Variants in PHF10 observed in about 807,000 individuals in gnomAD.
PHF10 encodes PHD finger protein 10, also known as BRG1-associated factor 45a.
Under a neutral mutation model 68.5 loss-of-function variants are expected in PHF10, and 51 were observed. That is an observed-to-expected ratio of 0.74 (90% CI 0.59 to 0.94). The LOEUF (loss-of-function observed/expected upper bound fraction) is 0.94. Ranked by LOEUF, PHF10 falls within the 40% of genes least tolerant of loss-of-function variation. The pLI, the probability that PHF10 is intolerant of heterozygous loss-of-function variation, is 0.00. For missense variants in PHF10, 460 were observed against 602.6 expected (o/e 0.76, Z 2.48); for synonymous variants, 204 against 203.5 (o/e 1.00, Z -0.02).
chr6:169,716,697 T>C (rs1252047156), intron 4 of PHF10, among the ~76,000 whole-genome samples: 3 of 152,108 alleles, frequency 2.0e-5, no homozygotes, highest in African/African-American at 7.2e-5. Context: ...GAACTAAAAA[T>C]TGAAGAAAAT....
At chr6:169,706,337 T>G (rs978446064) in intron 9 of PHF10, among the ~76,000 whole-genome samples, 1 of 152,016 alleles carries the variant, frequency 6.6e-6, no homozygotes, top group Non-Finnish European at 1.5e-5. Context: ...GCATGTCTAA[T>G]AAAAGAATCT....
At chr6:169,716,129 T>C in intron 4 of PHF10, 41 bp from the exon 5 acceptor site, 1 of 1,409,892 alleles carries the variant, frequency 7.1e-7, no homozygotes, top group Non-Finnish European at 9.6e-7. Context: ...GAAGCTCTTT[T>C]AAGGATAAGT....
rs555621039 is a variant in PHF10, at chr6:169,713,993, G to A, written c.803+740C>T. Among the ~76,000 whole-genome samples, 22 of 152,134 alleles carry A rather than the reference G, an allele frequency of 1.4e-4. 1 individual carries two copies. The highest frequency in any genetic ancestry group is 5.3e-4 in the African/African-American group (22 of 41,490). On this transcript the variant is annotated intron_variant, in intron 7 of 11. Transcript: ENST00000339209. ...AATAATTAGCTGGGCGTGGTGGCAT[G>A]TGCCTGCAGTCCCGCTATTTGGGAG...
chr6:169,723,390 T>C (rs193255179), intron 1 of PHF10, among the ~76,000 whole-genome samples: 5 of 152,350 alleles, frequency 3.3e-5, no homozygotes, highest in Admixed American at 2.0e-4. Context: ...GTTATTACAG[T>C]AAGTTCACTG....
Position 169,723,954 on chromosome 6 carries a change from C to G in PHF10, c.-23G>C. 10 of 829,218 alleles carry G rather than the reference C, an allele frequency of 1.2e-5. No individual in the cohort carries two copies. Among genetic ancestry groups the G allele is most frequent in the Non-Finnish European group, 1.5e-5 (10 of 688,784 alleles). 51.4% of individuals were successfully genotyped at this position (829,218 alleles called of 1,614,324 possible). A position where few individuals can be genotyped will look rare whatever the true frequency, so the allele number is the denominator to read the frequency against. ...CATCAGCCCGAGCGCCCCGCGCCGC[C>G]GCCGCCGCCGTCGCCTCCGCCTTGT... is the stretch of plus-strand genomic sequence containing the variant. On this transcript the variant is annotated 5_prime_UTR_variant, in exon 1 of 12. Transcript: ENST00000339209.
chr6:169,705,728 GA>G lies in PHF10; in HGVS notation c.1114-5del. The G allele has an allele frequency of 7.1e-7, 1 of 1,403,854 alleles. No individual in the cohort carries two copies. Among genetic ancestry groups the G allele is most frequent in the Non-Finnish European group, 1.0e-6 (1 of 988,410 alleles). The allele number at this position is 1,403,854 out of a possible 1,614,324, so 87.0% of individuals were successfully genotyped here. On this transcript the variant is annotated splice_region_variant and splice_polypyrimidine_tract_variant and intron_variant, in intron 9 of 11. Transcript: ENST00000339209. Reference sequence around the variant, plus strand: ...TAGCATTTGGAATGACCTTTGGCTGGAAGGGTAGAAGAGGGCTATAAATTCA... The same window carrying G: ...TAGCATTTGGAATGACCTTTGGCTGGAGGGTAGAAGAGGGCTATAAATTCA...
chr6:169,711,828 C>T (rs1788931474), intron 8 of PHF10, among the ~76,000 whole-genome samples: 1 of 152,018 alleles, frequency 6.6e-6, no homozygotes, highest in South Asian at 2.1e-4. Context: ...AATTCAAAGC[C>T]CTATGTCATC....
At chr6:169,708,018 A>G (rs1788844759) in intron 9 of PHF10, 1 of 152,214 alleles carries the variant, frequency 6.6e-6, no homozygotes, top group Non-Finnish European at 1.5e-5. Flanking sequence ...GGGAGGGGTT[A>G]ATGTGCAGCA....
intron 7 of PHF10, 110 bp downstream of exon 7, chr6:169,714,623 T>C: frequency 2.9e-6 from 2 of 696,476 alleles, no homozygotes; most frequent in Non-Finnish European, 5.2e-6. Flanking sequence ...TCCTATACGA[T>C]ATCTTACGGT....
intron 1 of PHF10, among the ~76,000 whole-genome samples, chr6:169,721,393 A>G (rs916624983): frequency 7.2e-5 from 11 of 152,168 alleles, no homozygotes; most frequent in Non-Finnish European, 1.3e-4. Context: ...TCACTCTAGG[A>G]TTAAAGCAAA....
At chr6:169,718,382 C>A (rs1294609154) in intron 3 of PHF10, among the ~76,000 whole-genome samples, 2 of 152,116 alleles carry the variant, frequency 1.3e-5, no homozygotes, top group Non-Finnish European at 2.9e-5. Flanking sequence ...TGAAACACAG[C>A]CAGGCGTGGT....
chr6:169,720,857 C>CCAA (rs1479836430), intron 2 of PHF10, 148 bp downstream of exon 2: 8 of 551,010 alleles, frequency 1.5e-5, no homozygotes, highest in Non-Finnish European at 2.6e-5. Context: ...AGTAGCAAGA[C>CCAA]CAACTTTGAT....
At chr6:169,715,362 C>G (rs1406091036) in intron 6 of PHF10, among the ~76,000 whole-genome samples, 2 of 152,186 alleles carry the variant, frequency 1.3e-5, no homozygotes, top group East Asian at 3.9e-4. Context: ...AAAGAACACG[C>G]AGGTGTCAGC....
intron 9 of PHF10, chr6:169,708,285 C>T (rs1159710770): frequency 6.6e-6 from 1 of 152,080 alleles, no homozygotes. Context: ...AGGCCGGAAT[C>T]CTAATAATTA....
chr6:169,722,802 C>G (rs979150598), intron 1 of PHF10, among the ~76,000 whole-genome samples: 1 of 152,190 alleles, frequency 6.6e-6, no homozygotes, highest in African/African-American at 2.4e-5. Context: ...AACTACAGAT[C>G]AGATGAATTT....
At chr6:169,714,433 T>C (rs895228172) in intron 7 of PHF10, among the ~76,000 whole-genome samples, 1 of 152,184 alleles carries the variant, frequency 6.6e-6, no homozygotes, top group Non-Finnish European at 1.5e-5. Flanking sequence ...GCAATAACAG[T>C]GCTTTGGACC....
Position 169,704,065 on chromosome 6 carries a change from GACA to G in PHF10, c.1432_1434del (p.Cys478del). On this transcript the variant is annotated inframe_deletion, in exon 12 of 12. Coordinates refer to ENST00000339209, the MANE Select transcript of PHF10 (RefSeq NM_018288.4). ...TTCCTGGGTGTTGGGGGGGCCCGCT[GACA>G]ACAGTCACAAATCCAGCGACCTAGG... 3.8e-6 allele frequency: 6 copies of G among 1,582,716 alleles called. No individual in the cohort carries two copies. Among genetic ancestry groups the G allele is most frequent in the South Asian group, 1.2e-5 (1 of 84,218 alleles).
At chr6:169,719,302 TC>T (rs1035411404) in intron 2 of PHF10, 2 of 171,752 alleles carry the variant, frequency 1.2e-5, no homozygotes, top group African/African-American at 4.8e-5. Flanking sequence ...ATAATCAACT[TC>T]TGTCTCTTGT....
Position 169,723,905 on chromosome 6 carries a change from A to C in PHF10, c.27T>G (p.Ala9=). 1 of 1,065,692 alleles carries C rather than the reference A, an allele frequency of 9.4e-7. No individual in the cohort carries two copies. The highest frequency in any genetic ancestry group is 1.1e-6 in the Non-Finnish European group (1 of 879,180). The allele number at this position is 1,065,692 out of a possible 1,614,324, so 66.0% of individuals were successfully genotyped here. A position where few individuals can be genotyped will look rare whatever the true frequency, so the allele number is the denominator to read the frequency against. ...TGTCGCACGGCCGCGGGGACAGCGC[A>C]GCCCCGGGCCCGGCCGCCGCCGCCA... MAAAAGPG[A]ALSPRPCDSD... Residue 9 remains alanine (A), a synonymous_variant, in exon 1 of 12, where the codon GCT becomes GCG. Coordinates refer to ENST00000339209, the MANE Select transcript of PHF10 (RefSeq NM_018288.4).
Sources: gnomAD v4.1 joint callset for allele counts (sites outside exome capture counted in the v4.1 genomes callset) on GRCh38, gnomAD v4.1.1 for gene constraint, MANE v1.5 for transcripts, NCBI Gene and HGNC (gene_info 2026-07-23, HGNC 2026-07-21) for gene names.